ERG: variants seen among roughly 807,000 people sequenced by gnomAD.
ERG encodes the protein transcriptional regulator ERG.
A neutral mutation model predicts 55.3 loss-of-function variants in ERG; 9 were observed. That is an observed-to-expected ratio of 0.16 (90% CI 0.10 to 0.28). The LOEUF (loss-of-function observed/expected upper bound fraction) is 0.28. Among genes scored for constraint, ERG ranks in the 10% least tolerant of loss-of-function variants. ERG has a pLI of 1.00. For missense variants in ERG, 434 were observed against 631.6 expected (o/e 0.69, Z 3.35); for synonymous variants, 223 against 237.3 (o/e 0.94, Z 0.55).
chr21:38,649,538 C>G lies in ERG; in HGVS notation c.-150+12120G>C, dbSNP rs1487366020. ...TGCCTCGCACGTTCTCATATTTACA[C>G]ATGTTCACTGAACGTAACCTCAAGT... On this transcript the variant is annotated intron_variant, in intron 1 of 10. Coordinates refer to the ERG transcript ENST00000398910. Among the ~76,000 whole-genome samples the G allele has an allele frequency of 3.9e-5, 6 of 152,240 alleles. No individual in the cohort carries two copies. In the East Asian group the frequency reaches 1.2e-3, roughly 29 times the overall value.
At chr21:38,604,541 T>C (rs1289154000) in intron 1 of ERG, among the ~76,000 whole-genome samples, 1 of 152,242 alleles carries the variant, frequency 6.6e-6, no homozygotes, top group Non-Finnish European at 1.5e-5. Context: ...AAATTTCATG[T>C]GAATGTTATT....
chr21:38,392,505 G>T, intron 6 of ERG, 61 bp from the exon 7 acceptor site: 7 of 1,216,984 alleles, frequency 5.8e-6, no homozygotes, highest in South Asian at 5.5e-5. Flanking sequence ...GAGATGCTTT[G>T]GTTTTTTATT....
chr21:38,410,204 C>T (rs1387427276), intron 3 of ERG, among the ~76,000 whole-genome samples: 2 of 152,238 alleles, frequency 1.3e-5, no homozygotes, highest in African/African-American at 4.8e-5. Context: ...ACAGGGGCAG[C>T]CTCCTCCTTA....
intron 1 of ERG, among the ~76,000 whole-genome samples, chr21:38,496,330 C>T (rs1367354097): frequency 6.6e-6 from 1 of 152,194 alleles, no homozygotes; most frequent in Admixed American, 6.5e-5. Context: ...GAAATTGCCT[C>T]TATGGGGGGC....
chr21:38,537,857 T>C (rs1443189896), intron 2 of ERG, among the ~76,000 whole-genome samples: 2 of 152,214 alleles, frequency 1.3e-5, no homozygotes, highest in African/African-American at 4.8e-5. Flanking sequence ...TCCATGTTCA[T>C]AGCAGCATTA....
chr21:38,389,193 A>C (rs1987853479), intron 9 of ERG, among the ~76,000 whole-genome samples: 1 of 152,188 alleles, frequency 6.6e-6, no homozygotes. Flanking sequence ...TAGGGCAAGA[A>C]AACAAAAGTA....
chr21:38,656,070 C>T (rs73220111), intron 1 of ERG, among the ~76,000 whole-genome samples: 19 of 152,306 alleles, frequency 1.2e-4, no homozygotes, highest in Non-Finnish European at 2.4e-4. Context: ...CCTGCAGAGG[C>T]CCCAGCAGCA....
intron 2 of ERG, among the ~76,000 whole-genome samples, chr21:38,438,668 G>A (rs1010409732): frequency 1.7e-4 from 26 of 152,250 alleles, no homozygotes; most frequent in African/African-American, 5.8e-4. Flanking sequence ...TGGGCAAAGC[G>A]CCAATGTGGC....
chr21:38,612,438 C>T (rs1356704954), intron 1 of ERG, among the ~76,000 whole-genome samples: 1 of 151,826 alleles, frequency 6.6e-6, no homozygotes, highest in Non-Finnish European at 1.5e-5. Flanking sequence ...TCCTGTATGC[C>T]ATGTTTATGT....
the ERG span, among the ~76,000 whole-genome samples, chr21:38,370,605 G>A: frequency 5.3e-5 from 8 of 151,790 alleles, no homozygotes; most frequent in Non-Finnish European, 8.8e-5. Flanking sequence ...TTTACATGTG[G>A]TATTATGTAG....
intron 2 of ERG, among the ~76,000 whole-genome samples, chr21:38,556,793 C>T (rs566271317): frequency 1.3e-5 from 2 of 152,298 alleles, no homozygotes; most frequent in East Asian, 3.9e-4. Flanking sequence ...CATCAGAGAG[C>T]TACTGAGGAG....
intron 1 of ERG, among the ~76,000 whole-genome samples, chr21:38,623,156 CCA>C (rs61386251): frequency 0.15 from 22,829 of 149,452 alleles, 1,848 homozygotes; most frequent in East Asian, 0.29. Flanking sequence ...CATATACATG[CCA>C]CACACACACA....
At chr21:38,573,068 G>A (rs1262300940) in intron 2 of ERG, among the ~76,000 whole-genome samples, 1 of 152,230 alleles carries the variant, frequency 6.6e-6, no homozygotes, top group Non-Finnish European at 1.5e-5. Context: ...CAATGTGTAA[G>A]GGATCTAGGG....
Position 38,653,518 on chromosome 21 carries a change from G to C in ERG, c.-150+8140C>G, listed in dbSNP as rs371639653. On this transcript the variant is annotated intron_variant, in intron 1 of 10. Transcript: ENST00000398910. ...ATTTATCCTAAGGACACCGCATTTA[G>C]AGTGTCCTTGCAAGAGGGGATGCTC... 5.3e-4 allele frequency among the ~76,000 whole-genome samples: 80 copies of C among 152,304 alleles called. 2 individuals are homozygous for C. The East Asian group carries it at 0.01, about 20-fold the overall frequency.
At chr21:38,508,700 C>T (rs1397441926) in intron 2 of ERG, among the ~76,000 whole-genome samples, 1 of 152,216 alleles carries the variant, frequency 6.6e-6, no homozygotes, top group Non-Finnish European at 1.5e-5. Context: ...ACCATGGCAA[C>T]TGTATTTCCC....
chr21:38,587,217 T>C (rs929397532), upstream of ERG, among the ~76,000 whole-genome samples: 3 of 152,212 alleles, frequency 2.0e-5, no homozygotes, highest in Admixed American at 6.5e-5. Context: ...TTTTAAAGCA[T>C]TTATTTCACT....
intron 2 of ERG, among the ~76,000 whole-genome samples, chr21:38,567,435 C>T (rs9808818): frequency 0.13 from 19,447 of 151,996 alleles, 1,312 homozygotes; most frequent in East Asian, 0.2. Context: ...GTACAAAAAA[C>T]GAAAAAGCAG....
chr21:38,492,549 CTT>C (rs566529920), intron 1 of ERG, among the ~76,000 whole-genome samples: 135 of 152,318 alleles, frequency 8.9e-4, no homozygotes, highest in African/African-American at 3.2e-3. Context: ...AACCTCTACT[CTT>C]TGCCAGTCAC....
intron 3 of ERG, among the ~76,000 whole-genome samples, chr21:38,418,927 C>CAAAAAAAAAA (rs35001409): frequency 1.2e-5 from 1 of 80,918 alleles, no homozygotes; most frequent in Non-Finnish European, 2.4e-5. Context: ...GACTTTGTCT[C>CAAAAAAAAAA]AAAAAAAAAA....
Sources: allele counts gnomAD v4.1 joint callset (sites outside exome capture counted in the v4.1 genomes callset), GRCh38; gene constraint gnomAD v4.1.1; transcripts MANE v1.5; gene names NCBI Gene and HGNC (gene_info 2026-07-23, HGNC 2026-07-21).